DYNC1I1: variants seen among roughly 807,000 people sequenced by gnomAD.
DYNC1I1 encodes cytoplasmic dynein 1 intermediate chain 1.
A neutral mutation model predicts 86.6 loss-of-function variants in DYNC1I1; 43 were observed. That is an observed-to-expected ratio of 0.50 (90% CI 0.39 to 0.64). DYNC1I1 has a LOEUF of 0.64. Ranked by LOEUF, DYNC1I1 falls within the 30% of genes least tolerant of loss-of-function variation. DYNC1I1 has a pLI of 0.00. For synonymous variants in DYNC1I1, 262 were observed against 283.7 expected (o/e 0.92, Z 0.77); for missense variants, 604 against 788.8 (o/e 0.77, Z 2.81).
chr7:95,818,910 C>T (rs752323242), intron 4 of DYNC1I1: 5 of 164,194 alleles, frequency 3.0e-5, no homozygotes, highest in Non-Finnish European at 6.5e-5. Context: ...CTAGTATCTA[C>T]ACTATCTTCA....
At chr7:96,081,085 A>AAAAG in intron 16 of DYNC1I1, among the ~76,000 whole-genome samples, 1 of 150,320 alleles carries the variant, frequency 6.7e-6, no homozygotes, top group African/African-American at 2.5e-5. Flanking sequence ...AAAGAAAAAG[A>AAAAG]AAAGAAAAGA....
At chr7:96,096,251 C>T (rs979646650) in intron 16 of DYNC1I1, among the ~76,000 whole-genome samples, 1 of 151,996 alleles carries the variant, frequency 6.6e-6, no homozygotes, top group African/African-American at 2.4e-5. Context: ...TCATTTGGCT[C>T]TGTGTGGTGG....
intron 16 of DYNC1I1, among the ~76,000 whole-genome samples, chr7:96,089,072 G>T (rs990307924): frequency 4.0e-5 from 6 of 151,368 alleles, no homozygotes; most frequent in Admixed American, 4.0e-4. Flanking sequence ...CAGCATTAAG[G>T]TCCCTTAGAT....
At chr7:96,081,966 T>C (rs10228472) in intron 16 of DYNC1I1, among the ~76,000 whole-genome samples, 61,700 of 151,892 alleles carry the variant, frequency 0.41, 13,468 homozygotes, top group African/African-American at 0.57. Flanking sequence ...TCATTTAACA[T>C]CCCCTTGACT....
intron 6 of DYNC1I1, among the ~76,000 whole-genome samples, chr7:95,929,588 G>A (rs1324608947): frequency 6.6e-6 from 1 of 152,136 alleles, no homozygotes; most frequent in Non-Finnish European, 1.5e-5. Context: ...AATCAGGAGT[G>A]TACAACTTGA....
chr7:95,881,584 A>G (rs527596099), intron 6 of DYNC1I1, among the ~76,000 whole-genome samples: 43 of 152,320 alleles, frequency 2.8e-4, no homozygotes, highest in African/African-American at 8.4e-4. Flanking sequence ...CAATAGCTCA[A>G]AACTTGTAGT....
At chr7:95,807,115 A>G (rs1794719087) in intron 2 of DYNC1I1, among the ~76,000 whole-genome samples, 1 of 152,202 alleles carries the variant, frequency 6.6e-6, no homozygotes, top group Admixed American at 6.6e-5. Flanking sequence ...CTATCAGAGT[A>G]GATGAATGGG....
intron 16 of DYNC1I1, among the ~76,000 whole-genome samples, chr7:96,090,826 A>G (rs1048665290): frequency 2.0e-5 from 3 of 152,124 alleles, no homozygotes; most frequent in East Asian, 1.9e-4. Flanking sequence ...TACATACCAT[A>G]TATCTTTTTG....
intron 6 of DYNC1I1, among the ~76,000 whole-genome samples, chr7:95,916,511 T>TTC (rs1216439106): frequency 6.6e-6 from 1 of 152,240 alleles, no homozygotes; most frequent in Non-Finnish European, 1.5e-5. Context: ...GACATTTGTG[T>TTC]TCTATTAGAT....
intron 6 of DYNC1I1, among the ~76,000 whole-genome samples, chr7:95,924,917 A>G (rs868706914): frequency 6.6e-6 from 1 of 152,184 alleles, no homozygotes; most frequent in Non-Finnish European, 1.5e-5. Flanking sequence ...GGCCTTAGCC[A>G]AAGCTTTTAT....
At chr7:96,062,423 GTTTTTTTCTTTTT>G (rs1176615114) in intron 14 of DYNC1I1, among the ~76,000 whole-genome samples, 4 of 149,984 alleles carry the variant, frequency 2.7e-5, no homozygotes, top group Non-Finnish European at 5.9e-5. Context: ...TCCTTCTTTT[GTTTTTTTCTTTTT>G]TTTTTTCTCT....
At chr7:96,062,199 T>A (rs1322023379) in intron 14 of DYNC1I1, among the ~76,000 whole-genome samples, 2 of 152,180 alleles carry the variant, frequency 1.3e-5, no homozygotes, top group African/African-American at 4.8e-5. Context: ...AAACCTAAAG[T>A]AAAGTCAGGT....
At chr7:95,839,617 T>A (rs144902889) in intron 5 of DYNC1I1, among the ~76,000 whole-genome samples, 42 of 152,340 alleles carry the variant, frequency 2.8e-4, no homozygotes, top group African/African-American at 9.4e-4. Context: ...TTTATAACAA[T>A]GTAGTCTTCT....
At position 96,039,049 on chromosome 7, in the gene DYNC1I1, A is replaced by G. The variant is rs1788955699; in HGVS notation, c.1365-228A>G. ...ATATTGATATTAAATTCTGTATTTTAAAAAGATTTCATTGCCCTACATTGT... is the reference window on the plus strand; with the variant it reads ...ATATTGATATTAAATTCTGTATTTTGAAAAGATTTCATTGCCCTACATTGT... On this transcript the variant is annotated intron_variant, in intron 13 of 16. Coordinates refer to ENST00000447467, the MANE Select transcript of DYNC1I1 (RefSeq NM_001135556.2). Among the ~76,000 whole-genome samples, 4 of 152,336 alleles carry G rather than the reference A, an allele frequency of 2.6e-5. No homozygotes were observed. The South Asian group carries it at 8.3e-4, about 32-fold the overall frequency.
intron 11 of DYNC1I1, among the ~76,000 whole-genome samples, chr7:96,031,468 C>G (rs898731062): frequency 7.2e-5 from 11 of 152,060 alleles, no homozygotes; most frequent in African/African-American, 2.7e-4. Flanking sequence ...CTTTCTTTAT[C>G]CCCATTAGTG....
intron 11 of DYNC1I1, among the ~76,000 whole-genome samples, chr7:96,030,578 C>T (rs1366650052): frequency 1.3e-5 from 2 of 151,982 alleles, no homozygotes; most frequent in Non-Finnish European, 2.9e-5. Flanking sequence ...CTTTCTGAGT[C>T]TTAATCCATT....
At chr7:96,084,270 G>A (rs897978997) in intron 16 of DYNC1I1, among the ~76,000 whole-genome samples, 1 of 148,484 alleles carries the variant, frequency 6.7e-6, no homozygotes, top group African/African-American at 2.5e-5. Context: ...AAATTAGCCG[G>A]TCCTGTCAAC....
In DYNC1I1 at chr7:95,987,048, C is replaced by A. The variant is rs1231323251; in HGVS notation, c.744-8C>A. ...CCATATTTATCTCTGATGTTTAAAT[C>A]CTCCTAGGGATGTTCAGGCTGGAGC... On this transcript the variant is annotated splice_region_variant and splice_polypyrimidine_tract_variant and intron_variant, in intron 8 of 16. Coordinates refer to ENST00000447467, the MANE Select transcript of DYNC1I1 (RefSeq NM_001135556.2). 4 of 1,612,028 alleles carry A rather than the reference C, an allele frequency of 2.5e-6. No individual in the cohort carries two copies. The highest frequency in any genetic ancestry group is 1.3e-5 in the African/African-American group (1 of 74,800).
chr7:95,828,458 C>T (rs766587511), intron 5 of DYNC1I1, among the ~76,000 whole-genome samples: 1 of 152,112 alleles, frequency 6.6e-6, no homozygotes, highest in Non-Finnish European at 1.5e-5. Context: ...CACCATCCTC[C>T]CCTTTACTAA....
Sources: allele counts gnomAD v4.1 joint callset (sites outside exome capture counted in the v4.1 genomes callset), GRCh38; gene constraint gnomAD v4.1.1; transcripts MANE v1.5; gene names NCBI Gene and HGNC (gene_info 2026-07-23, HGNC 2026-07-21).